The following DAB1 variants were observed in gnomAD, a reference collection of about 807,000 sequenced individuals.
DAB1 encodes disabled homolog 1.
Under a neutral mutation model 64.6 loss-of-function variants are expected in DAB1, and 15 were observed. The observed-to-expected ratio is 0.23, with a 90% CI of 0.16 to 0.36. The LOEUF is 0.36. DAB1 is among the 10% of genes least tolerant of loss of function. The probability of loss-of-function intolerance (pLI) is 1.00; values close to 1 mark genes in which losing one functional copy is unlikely to be tolerated. For synonymous variants in DAB1, 235 were observed against 251.9 expected, an observed-to-expected ratio of 0.93 and a Z score of 0.64; for missense variants, 596 against 706.7, an observed-to-expected ratio of 0.84 and a Z score of 1.78.
chr1:57,227,809 G>A (rs1226988107), intron 2 of DAB1, among the ~76,000 whole-genome samples: 10 of 151,968 alleles, frequency 6.6e-5, no homozygotes, highest in East Asian at 1.9e-4. Flanking sequence ...CTCCTGCCTC[G>A]TCCTCCCAAA....
At chr1:57,641,701 A>C (rs924824499) in intron 7 of DAB1, among the ~76,000 whole-genome samples, 32 of 151,924 alleles carry the variant, frequency 2.1e-4, no homozygotes, top group African/African-American at 7.3e-4. Flanking sequence ...TCTCTGAATA[A>C]TATTTGTGTC....
chr1:57,128,424 T>C (rs1657351019), intron 4 of DAB1, among the ~76,000 whole-genome samples: 1 of 152,138 alleles, frequency 6.6e-6, no homozygotes, highest in African/African-American at 2.4e-5. Context: ...AGTCAGCAGA[T>C]GCCTTTATTT....
At position 57,353,675 on chromosome 1, in the gene DAB1, T is replaced by C. The variant is rs573597855; in HGVS notation, c.-136-62509A>G. Among the ~76,000 whole-genome samples, 52 of 152,260 alleles carry C rather than the reference T, an allele frequency of 3.4e-4. 4 individuals are homozygous for C. In the South Asian group the frequency reaches 0.011, roughly 32 times the overall value. ...TTAGGTAGCCTGCCTGAGGTCATAC[T>C]GAGTTATTCACGCTTAGGTCTGCCT... is the stretch of plus-strand genomic sequence containing the variant. On this transcript the variant is annotated intron_variant, in intron 1 of 14. Transcript: ENST00000371236.
intron 7 of DAB1, among the ~76,000 whole-genome samples, chr1:57,548,987 G>T (rs1644885438): frequency 6.6e-6 from 1 of 152,148 alleles, no homozygotes; most frequent in Admixed American, 6.6e-5. Flanking sequence ...TTAATAACAT[G>T]CCCAAATGGT....
In DAB1 at chr1:58,086,640, A is replaced by T. The variant is rs1382141508; in HGVS notation, n.387+63871T>A. 2.0e-5 allele frequency among the ~76,000 whole-genome samples: 3 copies of T among 151,704 alleles called. 1 individual carries two copies. Among genetic ancestry groups the T allele is most frequent in the Non-Finnish European group, 4.4e-5 (3 of 67,964 alleles). On this transcript the variant is annotated intron_variant and non_coding_transcript_variant, in intron 5 of 20. Coordinates refer to the DAB1 transcript ENST00000485760. ...GTCCTCCCTCTGGCCATCATGCCCCATCTCTACCCTACTGCCTCAGCCATC... is the reference window on the plus strand; with the variant it reads ...GTCCTCCCTCTGGCCATCATGCCCCTTCTCTACCCTACTGCCTCAGCCATC...
chr1:57,149,910 C>A (rs765405785), intron 2 of DAB1, among the ~76,000 whole-genome samples: 5 of 152,138 alleles, frequency 3.3e-5, no homozygotes, highest in African/African-American at 7.2e-5. Context: ...ATTTAATCTT[C>A]CAAGGTTACT....
At chr1:57,131,106 A>G (rs375357563) in intron 4 of DAB1, among the ~76,000 whole-genome samples, 1 of 152,312 alleles carries the variant, frequency 6.6e-6, no homozygotes, top group African/African-American at 2.4e-5. Flanking sequence ...GCCTACACAC[A>G]TTTCCTAACC....
intron 3 of DAB1, among the ~76,000 whole-genome samples, chr1:58,428,763 A>G (rs1644843514): frequency 6.6e-6 from 1 of 152,374 alleles, no homozygotes; most frequent in Non-Finnish European, 1.5e-5. Flanking sequence ...GAGCATGTAC[A>G]TTTATAATAC....
intron 1 of DAB1, among the ~76,000 whole-genome samples, chr1:57,853,709 TG>T (rs1653632981): frequency 6.6e-6 from 1 of 152,198 alleles, no homozygotes; most frequent in Non-Finnish European, 1.5e-5. Context: ...TTCCCTTTAC[TG>T]ATTTTTTTCC....
intron 5 of DAB1, among the ~76,000 whole-genome samples, chr1:58,142,439 C>T (rs1654341429): frequency 6.6e-6 from 1 of 152,074 alleles, no homozygotes; most frequent in Non-Finnish European, 1.5e-5. Context: ...TGAGTGGTGG[C>T]GTTTTTGTTT....
At chr1:57,747,389 T>G (rs1166789284) in intron 6 of DAB1, among the ~76,000 whole-genome samples, 2 of 152,184 alleles carry the variant, frequency 1.3e-5, no homozygotes, top group African/African-American at 2.4e-5. Flanking sequence ...TTGTCTTAAT[T>G]CACACATTTG....
chr1:58,199,868 T>C (rs1008766202), intron 4 of DAB1, among the ~76,000 whole-genome samples: 3 of 152,172 alleles, frequency 2.0e-5, no homozygotes, highest in Admixed American at 6.5e-5. Context: ...TCTGCTCCAC[T>C]CAGTCATGCA....
At chr1:57,950,742 T>G (rs947569376) in intron 5 of DAB1, among the ~76,000 whole-genome samples, 2 of 152,232 alleles carry the variant, frequency 1.3e-5, no homozygotes, top group Non-Finnish European at 2.9e-5. Flanking sequence ...TCAGACATTA[T>G]GTCTCCTCTT....
At chr1:58,240,652 T>A (rs144724423) in intron 4 of DAB1, among the ~76,000 whole-genome samples, 1 of 152,286 alleles carries the variant, frequency 6.6e-6, no homozygotes, top group East Asian at 1.9e-4. Flanking sequence ...TTTCCCAGAA[T>A]ATAGTTGTAA....
chr1:57,501,126 G>A (rs977556464), intron 7 of DAB1, among the ~76,000 whole-genome samples: 48 of 152,158 alleles, frequency 3.2e-4, no homozygotes, highest in African/African-American at 1.2e-3. Context: ...CTTGTGACTT[G>A]TTTTGAACAA....
chr1:58,313,521 TCCAGAAG>T (rs374926982), intron 4 of DAB1, among the ~76,000 whole-genome samples: 3 of 152,246 alleles, frequency 2.0e-5, no homozygotes, highest in African/African-American at 7.2e-5. Flanking sequence ...GCTGAATTCA[TCCAGAAG>T]CCAGAGGATA....
At chr1:57,572,549 T>C (rs1645205146) in intron 7 of DAB1, among the ~76,000 whole-genome samples, 1 of 152,004 alleles carries the variant, frequency 6.6e-6, no homozygotes, top group Non-Finnish European at 1.5e-5. Flanking sequence ...AGGATAAGAG[T>C]GTTAGCTCCC....
intron 2 of DAB1, among the ~76,000 whole-genome samples, chr1:57,290,688 CA>C (rs1672705994): frequency 1.3e-5 from 2 of 152,038 alleles, no homozygotes; most frequent in Non-Finnish European, 2.9e-5. Flanking sequence ...ACGAAACACA[CA>C]AAATTACTAT....
At chr1:57,757,016 T>G (rs1008900694) in intron 6 of DAB1, among the ~76,000 whole-genome samples, 4 of 152,198 alleles carry the variant, frequency 2.6e-5, no homozygotes, top group Non-Finnish European at 4.4e-5. Context: ...AGAAGGTCAT[T>G]AATATTTGTT....
Sources: gnomAD v4.1 joint callset for allele counts (sites outside exome capture counted in the v4.1 genomes callset) on GRCh38, gnomAD v4.1.1 for gene constraint, MANE v1.5 for transcripts, NCBI Gene and HGNC (gene_info 2026-07-23, HGNC 2026-07-21) for gene names.